Variants in GULP1 observed in about 807,000 individuals in gnomAD.
GULP1 encodes GULP PTB domain containing engulfment adaptor 1.
Under a neutral mutation model 40.9 loss-of-function variants are expected in GULP1, and 19 were observed. That is an observed-to-expected ratio of 0.46 (90% confidence interval 0.32 to 0.68). The LOEUF (loss-of-function observed/expected upper bound fraction) is 0.68. Among genes scored for constraint, GULP1 ranks in the 30% least tolerant of loss-of-function variants. The pLI is 0.03. For missense variants in GULP1, 312 were observed against 362.2 expected (o/e 0.86, Z 1.12); for synonymous variants, 119 against 117.6 (o/e 1.01, Z -0.08).
intron 4 of GULP1, among the ~76,000 whole-genome samples, chr2:188,488,691 A>T (rs112464067): frequency 0.012 from 1,864 of 152,186 alleles, 27 homozygotes; most frequent in Non-Finnish European, 0.02. Flanking sequence ...CCTGAAGCAC[A>T]ACAGGAGACT....
intron 1 of GULP1, among the ~76,000 whole-genome samples, chr2:188,322,017 C>T (rs1479167032): frequency 6.6e-6 from 1 of 152,028 alleles, no homozygotes. Flanking sequence ...AGGAGTGAAA[C>T]TCTGTCTCAA....
At chr2:188,518,182 A>G (rs2065378145) in intron 4 of GULP1, among the ~76,000 whole-genome samples, 1 of 152,262 alleles carries the variant, frequency 6.6e-6, no homozygotes, top group South Asian at 2.1e-4. Flanking sequence ...TTTCTCCCAG[A>G]AATAAATCCC....
intron 7 of GULP1, among the ~76,000 whole-genome samples, chr2:188,558,467 C>G (rs1311394027): frequency 6.6e-6 from 1 of 152,148 alleles, no homozygotes; most frequent in Non-Finnish European, 1.5e-5. Context: ...TCTTTTTCTT[C>G]CCAGTCTCAG....
intron 4 of GULP1, among the ~76,000 whole-genome samples, chr2:188,494,027 T>C (rs1459670181): frequency 6.6e-6 from 1 of 152,060 alleles, no homozygotes; most frequent in African/African-American, 2.4e-5. Flanking sequence ...CTCTGGATAA[T>C]GTGTTCATGC....
chr2:188,474,723 T>G (rs2060866540), intron 2 of GULP1, among the ~76,000 whole-genome samples: 1 of 152,136 alleles, frequency 6.6e-6, no homozygotes, highest in Admixed American at 6.5e-5. Context: ...GGTTCTTTTG[T>G]TTGTTTGTTT....
intron 2 of GULP1, among the ~76,000 whole-genome samples, chr2:188,421,686 A>T (rs1159936714): frequency 6.6e-6 from 1 of 152,160 alleles, no homozygotes; most frequent in Non-Finnish European, 1.5e-5. Flanking sequence ...AATATGATAG[A>T]TTATATAGAT....
chr2:188,537,998 G>A lies in GULP1; in HGVS notation c.262-3183G>A, dbSNP rs138318476. ...CAAGGTGTTCGTAATAGTCTCTGAG[G>A]ATCTTTTGTATTTCCGTGGGATCAG... On this transcript the variant is annotated intron_variant, in intron 6 of 11. Transcript: ENST00000409830. Among the ~76,000 whole-genome samples the A allele has an allele frequency of 7.2e-5, 11 of 152,136 alleles. No homozygotes were observed. The East Asian group carries it at 2.1e-3, about 29-fold the overall frequency.
intron 4 of GULP1, among the ~76,000 whole-genome samples, chr2:188,508,314 A>G (rs937392563): frequency 6.6e-6 from 1 of 152,136 alleles, no homozygotes; most frequent in Non-Finnish European, 1.5e-5. Flanking sequence ...AGGGATTTAA[A>G]AAGTAAACAA....
chr2:188,386,772 A>G (rs1287969063), intron 2 of GULP1, among the ~76,000 whole-genome samples: 1 of 152,202 alleles, frequency 6.6e-6, no homozygotes, highest in African/African-American at 2.4e-5. Context: ...AAAATATTGA[A>G]TCACTGATTA....
intron 6 of GULP1, among the ~76,000 whole-genome samples, chr2:188,532,462 G>C (rs754197992): frequency 2.6e-5 from 4 of 152,194 alleles, no homozygotes; most frequent in Non-Finnish European, 4.4e-5. Context: ...TAGGGTATGT[G>C]TGTGTGTAAA....
chr2:188,556,329 A>T (rs1473247096), intron 7 of GULP1, among the ~76,000 whole-genome samples: 1 of 152,114 alleles, frequency 6.6e-6, no homozygotes, highest in Non-Finnish European at 1.5e-5. Flanking sequence ...CTAGTCTATT[A>T]TCGAAGATAT....
chr2:188,295,799 A>AT (rs565678565), intron 1 of GULP1, among the ~76,000 whole-genome samples: 1 of 152,082 alleles, frequency 6.6e-6, no homozygotes, highest in Non-Finnish European at 1.5e-5. Flanking sequence ...AACTTACACT[A>AT]TGGGTATCCT....
intron 4 of GULP1, among the ~76,000 whole-genome samples, chr2:188,493,021 A>G (rs577440854): frequency 6.6e-6 from 1 of 152,176 alleles, no homozygotes; most frequent in South Asian, 2.1e-4. Context: ...TTTGTTCTGA[A>G]ATTATGATTT....
intron 1 of GULP1, among the ~76,000 whole-genome samples, chr2:188,347,259 G>T (rs992185052): frequency 6.6e-6 from 1 of 152,138 alleles, no homozygotes; most frequent in African/African-American, 2.4e-5. Flanking sequence ...AAGAAGTTAA[G>T]TAACTTATTC....
At chr2:188,538,715 G>A (rs928948066) in intron 6 of GULP1, among the ~76,000 whole-genome samples, 1 of 150,580 alleles carries the variant, frequency 6.6e-6, no homozygotes, top group Non-Finnish European at 1.5e-5. Context: ...GTGTGTGTGT[G>A]TGTGTAGTGA....
intron 4 of GULP1, among the ~76,000 whole-genome samples, chr2:188,500,033 T>G (rs970054076): frequency 6.6e-6 from 1 of 151,860 alleles, no homozygotes; most frequent in Non-Finnish European, 1.5e-5. Flanking sequence ...CTAAGACATA[T>G]GTGTCCTTGG....
At chr2:188,481,198 A>G (rs1464362598) in intron 3 of GULP1, among the ~76,000 whole-genome samples, 1 of 151,998 alleles carries the variant, frequency 6.6e-6, no homozygotes, top group Non-Finnish European at 1.5e-5. Flanking sequence ...AACTCTTTCT[A>G]GAATGTCTAT....
chr2:188,303,134 G>A (rs985700664), intron 1 of GULP1, among the ~76,000 whole-genome samples: 1 of 151,902 alleles, frequency 6.6e-6, no homozygotes, highest in African/African-American at 2.4e-5. Context: ...ATCTTTTTCT[G>A]CCACCAAGTT....
intron 1 of GULP1, among the ~76,000 whole-genome samples, chr2:188,337,340 A>T (rs2042407279): frequency 6.6e-6 from 1 of 151,194 alleles, no homozygotes; most frequent in Admixed American, 6.6e-5. Context: ...GGGTTTCATC[A>T]TGTTGACCAG....
Sources: allele counts gnomAD v4.1 joint callset (sites outside exome capture counted in the v4.1 genomes callset), GRCh38; gene constraint gnomAD v4.1.1; transcripts MANE v1.5; gene names NCBI Gene and HGNC (gene_info 2026-07-23, HGNC 2026-07-21).